Variants in TGFA observed in about 807,000 individuals in gnomAD.
The protein encoded by TGFA is protransforming growth factor alpha.
In TGFA, 12 loss-of-function variants were observed where a neutral mutation model predicts 21.7. The observed-to-expected ratio is 0.55, with a 90% CI of 0.35 to 0.90. The LOEUF (loss-of-function observed/expected upper bound fraction) is 0.90, where lower values mean the gene tolerates loss of function less well. TGFA is among the 40% of genes least tolerant of loss of function. The pLI is 0.01. For missense variants in TGFA, 178 were observed against 210.8 expected (o/e 0.84, Z 0.96); for synonymous variants, 79 against 88.1 (o/e 0.90, Z 0.58).
intron 2 of TGFA, among the ~76,000 whole-genome samples, chr2:70,486,696 A>G (rs972433810): frequency 1.3e-5 from 2 of 152,036 alleles, no homozygotes; most frequent in Non-Finnish European, 2.9e-5. Flanking sequence ...TCTTGAGCTC[A>G]AGCTATCTGC....
chr2:70,529,316 A>G (rs1672740396), intron 1 of TGFA, among the ~76,000 whole-genome samples: 1 of 152,192 alleles, frequency 6.6e-6, no homozygotes, highest in Non-Finnish European at 1.5e-5. Context: ...GGACTCTCCT[A>G]TTTGAGCAGC....
At chr2:70,514,741 G>A (rs1048036167) in intron 2 of TGFA, 118 bp downstream of exon 2, 8 of 1,101,134 alleles carry the variant, frequency 7.3e-6, no homozygotes, top group African/African-American at 1.6e-5. Context: ...AGAGGACTCC[G>A]GGACAGGCGT....
chr2:70,525,414 TAG>T (rs1672603907), intron 1 of TGFA, among the ~76,000 whole-genome samples: 1 of 152,176 alleles, frequency 6.6e-6, no homozygotes, highest in African/African-American at 2.4e-5. Flanking sequence ...GGACACCCCT[TAG>T]GCATGCTCAC....
intron 2 of TGFA, among the ~76,000 whole-genome samples, chr2:70,505,268 A>G (rs1444618051): frequency 6.6e-6 from 1 of 152,166 alleles, no homozygotes; most frequent in East Asian, 1.9e-4. Context: ...ATGGATCTTT[A>G]TTCTGAAAAA....
chr2:70,514,789 A>C, intron 2 of TGFA, 70 bp downstream of exon 2: 1 of 1,532,430 alleles, frequency 6.5e-7, no homozygotes, highest in Non-Finnish European at 9.0e-7. Flanking sequence ...GGAGCTCTTG[A>C]GGAGCCACAC....
chr2:70,538,100 G>A (rs1408760166), intron 1 of TGFA, among the ~76,000 whole-genome samples: 3 of 152,146 alleles, frequency 2.0e-5, no homozygotes, highest in Admixed American at 6.5e-5. Context: ...GAACAGCAAA[G>A]CCTGATTACA....
At chr2:70,509,488 A>C (rs529959388) in intron 2 of TGFA, among the ~76,000 whole-genome samples, 32 of 152,322 alleles carry the variant, frequency 2.1e-4, no homozygotes, top group African/African-American at 7.0e-4. Flanking sequence ...AAGCCAGCTG[A>C]TAATGGTGAC....
intron 1 of TGFA, among the ~76,000 whole-genome samples, chr2:70,528,722 A>G (rs1672718831): frequency 6.6e-6 from 1 of 152,192 alleles, no homozygotes; most frequent in Non-Finnish European, 1.5e-5. Context: ...TATCAATACA[A>G]TTTTTAAAAA....
At chr2:70,493,996 A>C (rs1398913341) in intron 2 of TGFA, among the ~76,000 whole-genome samples, 1 of 152,192 alleles carries the variant, frequency 6.6e-6, no homozygotes, top group Non-Finnish European at 1.5e-5. Flanking sequence ...TCTGGATGTC[A>C]GAAGTCTGAA....
chr2:70,544,265 G>T (rs1673225644), intron 1 of TGFA, among the ~76,000 whole-genome samples: 1 of 151,284 alleles, frequency 6.6e-6, no homozygotes, highest in Admixed American at 6.6e-5. Flanking sequence ...TTAAAGTCCT[G>T]GTCTATGCTA....
At chr2:70,545,003 A>G (rs1013687426) in intron 1 of TGFA, among the ~76,000 whole-genome samples, 1 of 152,214 alleles carries the variant, frequency 6.6e-6, no homozygotes, top group African/African-American at 2.4e-5. Context: ...ATTTTAAAAT[A>G]GCTAAAAGAG....
In TGFA at chr2:70,451,875, C is replaced by A. The variant is rs1387092935; in HGVS notation, c.476-1009G>T. 2.7e-5 allele frequency: 17 copies of A among 641,252 alleles called. No homozygotes were observed. The African/African-American group carries it at 3.1e-4, about 12-fold the overall frequency. The allele number at this position is 641,252 out of a possible 1,614,324, so 39.7% of individuals were successfully genotyped here. On this transcript the variant is annotated intron_variant, in intron 5 of 5. Coordinates refer to ENST00000295400, the MANE Select transcript of TGFA (RefSeq NM_003236.4). ...CATCAGACTCAGTTTACCCACATCG[C>A]TCATGAGCCATCCTCTTCCTAAGAC...
chr2:70,514,421 C>A (rs1391083733), intron 2 of TGFA, among the ~76,000 whole-genome samples: 2 of 137,092 alleles, frequency 1.5e-5, no homozygotes, highest in Admixed American at 1.4e-4. Context: ...AAAAAAATAC[C>A]GATTTTTTTT....
At chr2:70,542,867 C>T (rs929749724) in intron 1 of TGFA, among the ~76,000 whole-genome samples, 1 of 152,174 alleles carries the variant, frequency 6.6e-6, no homozygotes, top group African/African-American at 2.4e-5. Context: ...CTTTGGGAGG[C>T]CGAGGTGGGC....
At chr2:70,471,804 T>A (rs576817923) in intron 2 of TGFA, among the ~76,000 whole-genome samples, 115 of 152,238 alleles carry the variant, frequency 7.6e-4, no homozygotes, top group Non-Finnish European at 1.3e-3. Flanking sequence ...AACTGAAGCT[T>A]AGACAACCTT....
chr2:70,476,080 C>CAAGAAAAAA, intron 2 of TGFA, among the ~76,000 whole-genome samples: 1 of 55,652 alleles, frequency 1.8e-5, no homozygotes, highest in South Asian at 9.8e-4. Context: ...TAATTTTAAG[C>CAAGAAAAAA]AAAAAAAAAA....
At chr2:70,521,902 C>T (rs1364245028) in intron 1 of TGFA, among the ~76,000 whole-genome samples, 16 of 152,078 alleles carry the variant, frequency 1.1e-4, no homozygotes, top group African/African-American at 2.4e-4. Flanking sequence ...CGCAGGCCAC[C>T]GTACCGAACC....
intron 2 of TGFA, among the ~76,000 whole-genome samples, chr2:70,498,857 T>G (rs1553498697): frequency 6.6e-6 from 1 of 152,180 alleles, no homozygotes; most frequent in African/African-American, 2.4e-5. Flanking sequence ...AGAGTCAGGA[T>G]TCAAGAGTCC....
In TGFA at chr2:70,535,643, T is replaced by C. The variant is rs1378912439; in HGVS notation, c.40+18085A>G. Among the ~76,000 whole-genome samples, 3 of 152,352 alleles carry C rather than the reference T, an allele frequency of 2.0e-5. No individual in the cohort carries two copies. The East Asian group carries it at 5.8e-4, about 29-fold the overall frequency. ...ATATTCCACATGCCTCTGCTCTCACTATTAAAAGAAAAATGCCCTGCTTTT... is the reference window on the plus strand; with the variant it reads ...ATATTCCACATGCCTCTGCTCTCACCATTAAAAGAAAAATGCCCTGCTTTT... On this transcript the variant is annotated intron_variant, in intron 1 of 5. Coordinates refer to ENST00000295400, the MANE Select transcript of TGFA (RefSeq NM_003236.4).
Sources: gnomAD v4.1 joint callset for allele counts (sites outside exome capture counted in the v4.1 genomes callset) on GRCh38, gnomAD v4.1.1 for gene constraint, MANE v1.5 for transcripts, NCBI Gene and HGNC (gene_info 2026-07-23, HGNC 2026-07-21) for gene names.